The following DRD2 variants were observed in gnomAD, a reference collection of about 807,000 sequenced individuals.
DRD2 encodes dopamine receptor D2, also known as D(2) dopamine receptor.
Under a neutral mutation model 38.0 loss-of-function variants are expected in DRD2, and 8 were observed. That is an observed-to-expected ratio of 0.21 (90% CI 0.12 to 0.38). The LOEUF (loss-of-function observed/expected upper bound fraction) is 0.38. DRD2 is among the 10% of genes least tolerant of loss of function. The pLI is 1.00. For synonymous variants in DRD2, 230 were observed against 238.6 expected (o/e 0.96, Z 0.33); for missense variants, 403 against 607.7 (o/e 0.66, Z 3.54).
intron 7 of DRD2, 41 bp downstream of exon 7, chr11:113,412,515 T>C: frequency 6.2e-7 from 1 of 1,605,502 alleles, no homozygotes. Flanking sequence ...AATGGGACCT[T>C]TCACAGACCG....
chr11:113,455,013 A>G (rs1223459193), intron 1 of DRD2, among the ~76,000 whole-genome samples: 1 of 152,156 alleles, frequency 6.6e-6, no homozygotes, highest in African/African-American at 2.4e-5. Context: ...AACACTTGAA[A>G]CTGTAAAACT....
chr11:113,414,563 G>A (rs543378546), intron 5 of DRD2, 102 bp from the exon 6 acceptor site: 3 of 1,260,950 alleles, frequency 2.4e-6, no homozygotes, highest in Non-Finnish European at 2.3e-6. Context: ...TGGGCAGAAG[G>A]GCTCAGAGAT....
At chr11:113,463,653 G>A (rs1307723909) in intron 1 of DRD2, among the ~76,000 whole-genome samples, 1 of 152,204 alleles carries the variant, frequency 6.6e-6, no homozygotes, top group Non-Finnish European at 1.5e-5. Flanking sequence ...GTGTTTGCGG[G>A]GGCGGGGCTC....
At chr11:113,444,278 C>G (rs1951120614) in intron 1 of DRD2, among the ~76,000 whole-genome samples, 1 of 152,218 alleles carries the variant, frequency 6.6e-6, no homozygotes, top group Non-Finnish European at 1.5e-5. Flanking sequence ...CTCCAGTGAT[C>G]TGCGTGCCTC....
At chr11:113,448,214 T>C (rs1460183449) in intron 1 of DRD2, among the ~76,000 whole-genome samples, 3 of 152,140 alleles carry the variant, frequency 2.0e-5, no homozygotes, top group African/African-American at 7.2e-5. Context: ...TCTTTTCCTG[T>C]CCTGATGAGA....
intron 1 of DRD2, among the ~76,000 whole-genome samples, chr11:113,445,889 T>G (rs1444709867): frequency 6.6e-6 from 1 of 152,176 alleles, no homozygotes; most frequent in East Asian, 1.9e-4. Flanking sequence ...TCTAACAAGC[T>G]CAGCCTGTCT....
At chr11:113,441,851 G>A (rs568645099) in intron 1 of DRD2, among the ~76,000 whole-genome samples, 22 of 152,060 alleles carry the variant, frequency 1.4e-4, no homozygotes, top group Admixed American at 1.4e-3. Context: ...TGGAGGCTGA[G>A]GCAAGATAAT....
chr11:113,425,143 A>G (rs1950928080), intron 1 of DRD2, among the ~76,000 whole-genome samples: 1 of 152,256 alleles, frequency 6.6e-6, no homozygotes, highest in African/African-American at 2.4e-5. Context: ...TGTAGCTCAC[A>G]TTCTAGGAGA....
At chr11:113,451,776 C>G (rs528075557) in intron 1 of DRD2, among the ~76,000 whole-genome samples, 4 of 151,922 alleles carry the variant, frequency 2.6e-5, no homozygotes, top group Non-Finnish European at 5.9e-5. Context: ...AGGCCTGTAT[C>G]CTCTCTTAAA....
At chr11:113,461,153 G>A (rs987122033) in intron 1 of DRD2, among the ~76,000 whole-genome samples, 2 of 152,234 alleles carry the variant, frequency 1.3e-5, no homozygotes, top group Non-Finnish European at 2.9e-5. Flanking sequence ...AGACAGGCCT[G>A]TTGGAAGATG....
At chr11:113,447,819 T>C (rs1951167255) in intron 1 of DRD2, 1 of 152,274 alleles carries the variant, frequency 6.6e-6, no homozygotes, top group African/African-American at 2.4e-5. Flanking sequence ...CAAACATGTG[T>C]GGCCACATCA....
At chr11:113,415,365 C>A (rs1017859677) in intron 5 of DRD2, 56 bp downstream of exon 5, 11 of 1,556,604 alleles carry the variant, frequency 7.1e-6, no homozygotes, top group Middle Eastern at 4.4e-4. Flanking sequence ...AAGATGAGCC[C>A]TCTTGGTAAT....
chr11:113,426,892 T>C (rs765460285), intron 1 of DRD2, among the ~76,000 whole-genome samples: 4 of 152,246 alleles, frequency 2.6e-5, no homozygotes, highest in Non-Finnish European at 5.9e-5. Context: ...ATGTATGTAT[T>C]GATCAGGTGC....
At chr11:113,413,874 C>A (rs1301732469) in intron 6 of DRD2, 2 of 244,350 alleles carry the variant, frequency 8.2e-6, no homozygotes, top group Non-Finnish European at 1.6e-5. Flanking sequence ...GCGTCCTACC[C>A]CAGAACCTGC....
chr11:113,427,484 A>G (rs1388044861), intron 1 of DRD2, among the ~76,000 whole-genome samples: 1 of 152,094 alleles, frequency 6.6e-6, no homozygotes, highest in African/African-American at 2.4e-5. Context: ...GAGTTACAAC[A>G]TGTCTTGCTC....
intron 2 of DRD2, among the ~76,000 whole-genome samples, chr11:113,419,242 T>G (rs894265794): frequency 6.6e-6 from 1 of 152,148 alleles, no homozygotes; most frequent in Non-Finnish European, 1.5e-5. Context: ...AGATGAAGAC[T>G]CGCCATGAAA....
chr11:113,435,332 G>C (rs1053430432), intron 1 of DRD2, among the ~76,000 whole-genome samples: 2 of 846 alleles, frequency 2.4e-3, no homozygotes, highest in African/African-American at 2.8e-3. Context: ...ACTCAGTGTG[G>C]GGGGGGGTGG....
chr11:113,475,306 G>GGCGGT lies in DRD2; in HGVS notation c.-263_-262insACCGC, dbSNP rs1565683701. On this transcript the variant is annotated 5_prime_UTR_variant, in exon 1 of 8. Transcript: ENST00000362072. The stretch of plus-strand genomic sequence containing the variant: ...GACGGGCCGCGGCGGGGCGGGGCGG[G>GGCGGT]GCGGGGCCGGGCGCGGGGCGGGCGG... 6.8e-6 allele frequency: 1 copy of GGCGGT among 147,846 alleles called. No individual in the cohort carries two copies. Among genetic ancestry groups the GGCGGT allele is most frequent in the African/African-American group, 2.4e-5 (1 of 40,934 alleles). The allele number at this position is 147,846 out of a possible 1,614,324, so 9.2% of individuals were successfully genotyped here. A position where few individuals can be genotyped will look rare whatever the true frequency, so the allele number is the denominator to read the frequency against.
chr11:113,412,917 G>A (rs142783592), intron 6 of DRD2, 34 bp from the exon 7 acceptor site: 574 of 1,592,770 alleles, frequency 3.6e-4, no homozygotes, highest in Non-Finnish European at 4.3e-4. Context: ...GGGTAAAGCC[G>A]GACAAGTTCC....
Sources: gnomAD v4.1 joint callset for allele counts (sites outside exome capture counted in the v4.1 genomes callset) on GRCh38, gnomAD v4.1.1 for gene constraint, MANE v1.5 for transcripts, NCBI Gene and HGNC (gene_info 2026-07-23, HGNC 2026-07-21) for gene names.